DNAH6: variants seen among roughly 807,000 people sequenced by gnomAD.
DNAH6 encodes the protein dynein axonemal heavy chain 6, also known as axonemal beta dynein heavy chain 6.
A neutral mutation model predicts 491.4 loss-of-function variants in DNAH6; 340 were observed. That is an observed-to-expected ratio of 0.69 (90% CI 0.63 to 0.76). The LOEUF is 0.76. DNAH6 is among the 30% of genes least tolerant of loss of function. The probability of loss-of-function intolerance (pLI) is 0.00; values close to 1 mark genes in which losing one functional copy is unlikely to be tolerated. For synonymous variants in DNAH6, 1,603 were observed against 1,686.1 expected (o/e 0.95, Z 1.21); for missense variants, 4,443 against 4,972.2 (o/e 0.89, Z 3.20).
intron 23 of DNAH6, 111 bp from the exon 24 acceptor site, chr2:84,619,574 C>G: frequency 1.1e-6 from 1 of 938,878 alleles, no homozygotes; most frequent in East Asian, 2.6e-5. Context: ...AATTGGAGGT[C>G]CAGGAAATTG....
intron 3 of DNAH6, among the ~76,000 whole-genome samples, chr2:84,526,655 C>T (rs1676632486): frequency 6.6e-6 from 1 of 151,952 alleles, no homozygotes; most frequent in African/African-American, 2.4e-5. Flanking sequence ...GGTGGGAGCT[C>T]TAGGAGAAGC....
chr2:84,473,550 T>G, the DNAH6 span, among the ~76,000 whole-genome samples: 4 of 152,240 alleles, frequency 2.6e-5, no homozygotes, highest in South Asian at 4.1e-4. Context: ...CTCCAATGCT[T>G]CTTTGGACAG....
chr2:84,647,263 A>G (rs753739909), intron 33 of DNAH6, among the ~76,000 whole-genome samples: 7 of 152,216 alleles, frequency 4.6e-5, no homozygotes, highest in Non-Finnish European at 1.0e-4. Flanking sequence ...AGCTATTTCC[A>G]TAACATAAGG....
At chr2:84,677,404 GGT>G (rs1415646345) in intron 41 of DNAH6, among the ~76,000 whole-genome samples, 5 of 152,140 alleles carry the variant, frequency 3.3e-5, no homozygotes, top group African/African-American at 1.2e-4. Context: ...CTGCATCTTA[GGT>G]CCCTGCCACT....
intron 63 of DNAH6, among the ~76,000 whole-genome samples, chr2:84,753,973 C>T (rs1378505702): frequency 6.6e-6 from 1 of 150,820 alleles, no homozygotes; most frequent in Non-Finnish European, 1.5e-5. Flanking sequence ...TACAAGTGTG[C>T]ACCACCACGC....
At position 84,819,292 on chromosome 2, in the gene DNAH6, T is replaced by C; in HGVS notation, c.12374-13T>C. ...CTTAAGTAACAACCTTTTTTTCCTA[T>C]ATCCTTAATTAGGACATTCAACCAA... On this transcript the variant is annotated splice_polypyrimidine_tract_variant and intron_variant, in intron 76 of 76. Coordinates refer to ENST00000389394, the MANE Select transcript of DNAH6 (RefSeq NM_001370.2). 6.6e-7 allele frequency: 1 copy of C among 1,525,944 alleles called. No homozygotes were observed. The highest frequency in any genetic ancestry group is 8.9e-7 in the Non-Finnish European group (1 of 1,126,950). The allele number at this position is 1,525,944 out of a possible 1,614,324, so 94.5% of individuals were successfully genotyped here.
chr2:84,628,462 A>G (rs1386150830), intron 29 of DNAH6, among the ~76,000 whole-genome samples: 1 of 152,176 alleles, frequency 6.6e-6, no homozygotes, highest in Non-Finnish European at 1.5e-5. Flanking sequence ...GGTCAGATGC[A>G]CTACCTTTCC....
At chr2:84,490,637 C>T in the DNAH6 span, among the ~76,000 whole-genome samples, 3 of 152,334 alleles carry the variant, frequency 2.0e-5, 1 homozygote, top group Middle Eastern at 0.01. Flanking sequence ...TCTCAGCTCA[C>T]TGCAACCTCC....
the DNAH6 span, among the ~76,000 whole-genome samples, chr2:84,495,434 A>AT: frequency 6.6e-6 from 1 of 152,174 alleles, no homozygotes; most frequent in African/African-American, 2.4e-5. Flanking sequence ...AAGTGCTGGG[A>AT]TTACAGGCAT....
Position 84,762,800 on chromosome 2 carries a change from C to A in DNAH6, c.10558C>A (p.Gln3520Lys), listed in dbSNP as rs754885578. 4.5e-6 allele frequency: 7 copies of A among 1,550,752 alleles called. No homozygotes were observed. Among genetic ancestry groups the A allele is most frequent in the Non-Finnish European group, 5.2e-6 (6 of 1,146,620 alleles). ...CTTTGTGATAGAAAATCTTGGAAAACAGTTTATAGAGACACCACCTGTGGA... is the reference window on the plus strand; with the variant it reads ...CTTTGTGATAGAAAATCTTGGAAAAAAGTTTATAGAGACACCACCTGTGGA... ...TDFVIENLGK[Q>K]FIETPPVDLP... The change falls in exon 64 of 77, where the codon CAG (glutamine) becomes AAG (lysine). Residue 3520 changes from glutamine to lysine, a missense_variant. By Grantham distance (53) the Gln-to-Lys change is moderately conservative. Transcript: ENST00000389394.
intron 52 of DNAH6, 98 bp downstream of exon 52, chr2:84,705,845 T>C (rs906757283): frequency 1.5e-6 from 2 of 1,308,094 alleles, no homozygotes; most frequent in Non-Finnish European, 2.0e-6. Flanking sequence ...CTACGCAATA[T>C]AGACAGTGAC....
chr2:84,723,670 C>G (rs1698382228), intron 60 of DNAH6, among the ~76,000 whole-genome samples: 1 of 152,178 alleles, frequency 6.6e-6, no homozygotes, highest in South Asian at 2.1e-4. Flanking sequence ...TTCCCTGCGC[C>G]CACTTCTGAC....
intron 3 of DNAH6, among the ~76,000 whole-genome samples, chr2:84,527,787 G>A (rs932857873): frequency 2.0e-5 from 3 of 152,178 alleles, no homozygotes; most frequent in Non-Finnish European, 4.4e-5. Context: ...GGGGTATAAT[G>A]TTCCCTGTGA....
At chr2:84,658,584 A>G in intron 36 of DNAH6, 110 bp downstream of exon 36, 1 of 765,600 alleles carries the variant, frequency 1.3e-6, no homozygotes, top group East Asian at 3.0e-5. Context: ...TTTTTAAGTT[A>G]ATTTTTCAGG....
intron 62 of DNAH6, among the ~76,000 whole-genome samples, chr2:84,741,224 T>G (rs546388404): frequency 6.6e-6 from 1 of 152,204 alleles, no homozygotes. Flanking sequence ...CAGCCCAAAC[T>G]CAGGCCAAGG....
intron 2 of DNAH6, among the ~76,000 whole-genome samples, chr2:84,524,331 C>T (rs1426494449): frequency 6.6e-6 from 1 of 151,722 alleles, no homozygotes; most frequent in Non-Finnish European, 1.5e-5. Flanking sequence ...TTTCTTGAGT[C>T]CCTGGGTGTT....
At chr2:84,512,098 T>C (rs1169753486), upstream of DNAH6, among the ~76,000 whole-genome samples, 1 of 152,232 alleles carries the variant, frequency 6.6e-6, no homozygotes, top group East Asian at 1.9e-4. Flanking sequence ...ATTTTATAGA[T>C]GTTTTTCAGG....
Position 84,550,179 on chromosome 2 carries a change from C to A in DNAH6, c.1485+122C>A, listed in dbSNP as rs149593809. 7.0e-4 allele frequency: 553 copies of A among 785,450 alleles called. No homozygotes were observed. In the African/African-American group the frequency reaches 8.9e-3, roughly 13 times the overall value. The allele number at this position is 785,450 out of a possible 1,614,324, so 48.7% of individuals were successfully genotyped here. ...AAAAAAAGAGAAATGCATAGAGCAGCGGCCCCCAACATTTTGGACACCAGA... is the reference window on the plus strand; with the variant it reads ...AAAAAAAGAGAAATGCATAGAGCAGAGGCCCCCAACATTTTGGACACCAGA... On this transcript the variant is annotated intron_variant, in intron 9 of 76. Coordinates refer to ENST00000389394, the MANE Select transcript of DNAH6 (RefSeq NM_001370.2).
At chr2:84,806,016 T>A (rs2105318537) in intron 71 of DNAH6, among the ~76,000 whole-genome samples, 1 of 152,322 alleles carries the variant, frequency 6.6e-6, no homozygotes, top group South Asian at 2.1e-4. Context: ...CAGCTCAATG[T>A]AACTTTAACC....
Sources: allele counts gnomAD v4.1 joint callset (sites outside exome capture counted in the v4.1 genomes callset), GRCh38; gene constraint gnomAD v4.1.1; transcripts MANE v1.5; gene names NCBI Gene and HGNC (gene_info 2026-07-23, HGNC 2026-07-21).